The following LRMDA variants were observed in gnomAD, a reference collection of about 807,000 sequenced individuals.
LRMDA encodes the protein leucine rich melanocyte differentiation associated.
LRMDA carries 18 observed loss-of-function variants against 29.8 expected under a neutral mutation model. The observed-to-expected ratio is 0.60, with a 90% CI of 0.42 to 0.90. LRMDA has a LOEUF of 0.90. Among genes scored for constraint, LRMDA ranks in the 40% least tolerant of loss-of-function variants. The probability of loss-of-function intolerance (pLI) is 0.00; values close to 1 mark genes in which losing one functional copy is unlikely to be tolerated. For synonymous variants in LRMDA, 125 were observed against 109.4 expected (o/e 1.14, Z -0.89); for missense variants, 273 against 273.9 (o/e 1.00, Z 0.02).
At chr10:76,221,206 T>G (rs1308957113) in intron 5 of LRMDA, among the ~76,000 whole-genome samples, 54 of 152,126 alleles carry the variant, frequency 3.5e-4, no homozygotes, top group African/African-American at 5.5e-4. Flanking sequence ...CTTTGAAAAC[T>G]GGCACAAGAC....
chr10:76,362,292 GGA>G (rs748244820), intron 6 of LRMDA, among the ~76,000 whole-genome samples: 24 of 152,352 alleles, frequency 1.6e-4, no homozygotes, highest in Admixed American at 4.6e-4. Context: ...AACAGGTGGT[GGA>G]GAGAGTATTG....
intron 6 of LRMDA, among the ~76,000 whole-genome samples, chr10:76,419,522 G>A (rs984237544): frequency 1.4e-4 from 21 of 151,922 alleles, no homozygotes; most frequent in Non-Finnish European, 1.9e-4. Flanking sequence ...TAAATCTGCC[G>A]TAAACATCTG....
chr10:75,952,586 C>G (rs912032459), intron 2 of LRMDA, among the ~76,000 whole-genome samples: 4 of 152,008 alleles, frequency 2.6e-5, no homozygotes, highest in African/African-American at 2.4e-5. Flanking sequence ...TGAGTAGAGG[C>G]CTCACTAAGG....
intron 2 of LRMDA, among the ~76,000 whole-genome samples, chr10:75,765,201 C>T (rs1032264521): frequency 1.3e-5 from 2 of 150,162 alleles, no homozygotes; most frequent in African/African-American, 5.0e-5. Context: ...GGAGGACACT[C>T]TTTGTTAGGT....
intron 2 of LRMDA, among the ~76,000 whole-genome samples, chr10:75,940,582 C>G (rs999765060): frequency 6.6e-6 from 1 of 152,148 alleles, no homozygotes; most frequent in African/African-American, 2.4e-5. Context: ...CACTTTCTGT[C>G]TTGTGTTAGA....
intron 2 of LRMDA, among the ~76,000 whole-genome samples, chr10:75,535,485 C>G (rs879873927): frequency 1.3e-5 from 2 of 152,068 alleles, no homozygotes; most frequent in Non-Finnish European, 2.9e-5. Context: ...CTGTGAAAGG[C>G]AAAAACTGAA....
chr10:76,234,699 A>G (rs1182199666), intron 5 of LRMDA, among the ~76,000 whole-genome samples: 1 of 152,168 alleles, frequency 6.6e-6, no homozygotes, highest in Non-Finnish European at 1.5e-5. Flanking sequence ...CCTTTTATGA[A>G]GACAGCGTCT....
At chr10:76,510,336 G>A (rs1331778976) in intron 6 of LRMDA, among the ~76,000 whole-genome samples, 1 of 152,158 alleles carries the variant, frequency 6.6e-6, no homozygotes, top group Non-Finnish European at 1.5e-5. Context: ...CTCCCAAAGT[G>A]CTGGGATTAC....
intron 2 of LRMDA, among the ~76,000 whole-genome samples, chr10:75,932,132 T>C (rs1846215097): frequency 2.0e-5 from 3 of 152,212 alleles, no homozygotes; most frequent in South Asian, 2.1e-4. Context: ...TATTAGTACA[T>C]TTATAGTGTC....
At chr10:75,992,929 C>A (rs1847396073) in intron 2 of LRMDA, among the ~76,000 whole-genome samples, 1 of 151,784 alleles carries the variant, frequency 6.6e-6, no homozygotes, top group South Asian at 2.1e-4. Flanking sequence ...ATTCAGGTTA[C>A]AGGGTATAAT....
intron 2 of LRMDA, among the ~76,000 whole-genome samples, chr10:76,022,730 A>G (rs1212134001): frequency 1.3e-5 from 2 of 152,236 alleles, no homozygotes; most frequent in African/African-American, 2.4e-5. Flanking sequence ...GAGGAAACCT[A>G]TTTTATTCAT....
chr10:75,722,028 A>G (rs1169543077), intron 2 of LRMDA, among the ~76,000 whole-genome samples: 1 of 152,114 alleles, frequency 6.6e-6, no homozygotes, highest in East Asian at 1.9e-4. Context: ...AGGTGACGGC[A>G]AGATTATAAA....
chr10:76,176,564 C>A (rs959199348), intron 5 of LRMDA, among the ~76,000 whole-genome samples: 1 of 152,184 alleles, frequency 6.6e-6, no homozygotes, highest in African/African-American at 2.4e-5. Context: ...GAGATTGAGG[C>A]GGGCGGATCA....
intron 2 of LRMDA, among the ~76,000 whole-genome samples, chr10:75,624,911 C>G (rs1023165958): frequency 3.3e-5 from 5 of 152,142 alleles, no homozygotes; most frequent in Non-Finnish European, 5.9e-5. Context: ...TAATAACAAT[C>G]CAGGAGACTT....
At chr10:76,357,568 G>A (rs983965661) in intron 6 of LRMDA, among the ~76,000 whole-genome samples, 2 of 152,134 alleles carry the variant, frequency 1.3e-5, no homozygotes, top group South Asian at 2.1e-4. Flanking sequence ...TTCTAAGCAA[G>A]GCACTCTATA....
chr10:75,518,552 T>A (rs944129969), intron 2 of LRMDA, among the ~76,000 whole-genome samples: 1 of 152,200 alleles, frequency 6.6e-6, no homozygotes, highest in Non-Finnish European at 1.5e-5. Context: ...TGATGTCCCT[T>A]TTATCATTTT....
At chr10:76,261,499 AC>A (rs1266642776) in intron 5 of LRMDA, among the ~76,000 whole-genome samples, 1 of 152,054 alleles carries the variant, frequency 6.6e-6, no homozygotes, top group Non-Finnish European at 1.5e-5. Flanking sequence ...AAAAAATGAC[AC>A]CCTAGTTGTT....
At chr10:76,477,519 A>G (rs1363085765) in intron 6 of LRMDA, among the ~76,000 whole-genome samples, 1 of 152,116 alleles carries the variant, frequency 6.6e-6, no homozygotes, top group Non-Finnish European at 1.5e-5. Context: ...TCAAGCTACC[A>G]ATGACTTTCT....
At chr10:75,751,434 G>A (rs1245313614) in intron 2 of LRMDA, among the ~76,000 whole-genome samples, 1 of 152,216 alleles carries the variant, frequency 6.6e-6, no homozygotes, top group Non-Finnish European at 1.5e-5. Context: ...GAGTCTTACT[G>A]TGGGTCATGG....
Sources: gnomAD v4.1 joint callset for allele counts (sites outside exome capture counted in the v4.1 genomes callset) on GRCh38, gnomAD v4.1.1 for gene constraint, MANE v1.5 for transcripts, NCBI Gene and HGNC (gene_info 2026-07-23, HGNC 2026-07-21) for gene names.